Variants in PPP1R12A observed in about 807,000 individuals in gnomAD.
The protein encoded by PPP1R12A is myosin binding subunit.
In PPP1R12A, 19 loss-of-function variants were observed where a neutral mutation model predicts 139.6. The ratio of observed to expected loss-of-function variants is 0.14; its 90% CI spans 0.09 to 0.20. PPP1R12A has a LOEUF of 0.20. Among genes scored for constraint, PPP1R12A ranks in the 10% least tolerant of loss-of-function variants. The pLI is 1.00. For synonymous variants in PPP1R12A, 427 were observed against 420.6 expected, an observed-to-expected ratio of 1.02 and a Z score of -0.19; for missense variants, 925 against 1,211.5, an observed-to-expected ratio of 0.76 and a Z score of 3.51.
chr12:79,865,739 C>T (rs2656039), intron 2 of PPP1R12A, among the ~76,000 whole-genome samples: 31,498 of 151,940 alleles, frequency 0.21, 5,888 homozygotes, highest in African/African-American at 0.5. Context: ...GAGAATAAAA[C>T]ACCTAGGAAT....
chr12:79,796,643 C>T, intron 17 of PPP1R12A, 139 bp downstream of exon 17: 1 of 629,060 alleles, frequency 1.6e-6, no homozygotes, highest in Non-Finnish European at 2.5e-6. Context: ...CATTCTCAAC[C>T]TTCATATTCT....
At chr12:79,890,905 C>CCACACCCA (rs1884558646) in intron 1 of PPP1R12A, among the ~76,000 whole-genome samples, 3 of 115,682 alleles carry the variant, frequency 2.6e-5, no homozygotes, top group Non-Finnish European at 5.1e-5. Flanking sequence ...CCACACCCAC[C>CCACACCCA]CACACACACA....
intron 22 of PPP1R12A, among the ~76,000 whole-genome samples, chr12:79,785,723 A>G (rs969007344): frequency 2.0e-5 from 3 of 152,160 alleles, no homozygotes; most frequent in Non-Finnish European, 4.4e-5. Flanking sequence ...GTATTTCCCT[A>G]GTTTCTTTGA....
chr12:79,863,741 A>G (rs1370403858), intron 2 of PPP1R12A, among the ~76,000 whole-genome samples: 2 of 151,692 alleles, frequency 1.3e-5, no homozygotes, highest in Non-Finnish European at 2.9e-5. Flanking sequence ...AGAGACAAAG[A>G]AGGCCATTAC....
At chr12:79,800,547 G>A (rs1267444532) in intron 14 of PPP1R12A, among the ~76,000 whole-genome samples, 1 of 151,440 alleles carries the variant, frequency 6.6e-6, no homozygotes, top group East Asian at 1.9e-4. Flanking sequence ...TTTAGATTAG[G>A]GGGACTCAAA....
chr12:79,934,998 G>T lies in PPP1R12A; in HGVS notation c.-67C>A. 1 of 1,494,798 alleles carries T rather than the reference G, an allele frequency of 6.7e-7. No homozygotes were observed. Among genetic ancestry groups the T allele is most frequent in the Admixed American group, 2.1e-5 (1 of 46,836 alleles). The allele number at this position is 1,494,798 out of a possible 1,614,324, so 92.6% of individuals were successfully genotyped here. ...AGGGGGAGGCGGAGAGGGAAGAGAGGGGAGGCAGGGGGTGTGTGAATGTTT... is the reference window on the plus strand; with the variant it reads ...AGGGGGAGGCGGAGAGGGAAGAGAGTGGAGGCAGGGGGTGTGTGAATGTTT... On this transcript the variant is annotated 5_prime_UTR_variant, in exon 1 of 25. Transcript: ENST00000450142.
At chr12:79,904,959 T>C (rs11114267) in intron 1 of PPP1R12A, among the ~76,000 whole-genome samples, 13,407 of 152,246 alleles carry the variant, frequency 0.088, 801 homozygotes, top group Middle Eastern at 0.15. Context: ...CAAATATAAA[T>C]ACAAAAACAT....
At chr12:79,790,768 T>C (rs180879120) in intron 19 of PPP1R12A, among the ~76,000 whole-genome samples, 31 of 152,292 alleles carry the variant, frequency 2.0e-4, no homozygotes, top group African/African-American at 7.5e-4. Flanking sequence ...AATCGTGAAA[T>C]GATTAATAAG....
At chr12:79,869,751 C>T (rs1882365938) in intron 2 of PPP1R12A, among the ~76,000 whole-genome samples, 1 of 151,998 alleles carries the variant, frequency 6.6e-6, no homozygotes, top group Non-Finnish European at 1.5e-5. Context: ...TATAAATAAT[C>T]TTAAATTACT....
chr12:79,835,292 G>C (rs1877935201), intron 3 of PPP1R12A, among the ~76,000 whole-genome samples: 1 of 152,070 alleles, frequency 6.6e-6, no homozygotes, highest in Admixed American at 6.5e-5. Context: ...TTTGAACTTG[G>C]ACTGAAACAC....
At chr12:79,923,114 A>G (rs1592840141) in intron 1 of PPP1R12A, among the ~76,000 whole-genome samples, 1 of 152,050 alleles carries the variant, frequency 6.6e-6, no homozygotes, top group East Asian at 1.9e-4. Context: ...ATCTTTACTA[A>G]AATACAAAAA....
chr12:79,820,856 TTCA>T lies in PPP1R12A; in HGVS notation c.1029_1031del (p.Asp343del), dbSNP rs1472021428. 1 of 1,613,488 alleles carries T rather than the reference TTCA, an allele frequency of 6.2e-7. No homozygotes were observed. Among genetic ancestry groups the T allele is most frequent in the Non-Finnish European group, 8.5e-7 (1 of 1,179,746 alleles). ...ACTCATCCTTCTTTCCTTCTTCTTC[TTCA>T]TCAACCTTTTCTTGTTCCAGAGATT... is the stretch of plus-strand genomic sequence containing the variant. On this transcript the variant is annotated inframe_deletion, in exon 8 of 25. Transcript: ENST00000450142.
chr12:79,855,923 A>G (rs12817698), intron 2 of PPP1R12A, among the ~76,000 whole-genome samples: 12,642 of 146,678 alleles, frequency 0.086, 1,328 homozygotes, highest in African/African-American at 0.26. Flanking sequence ...TTAGAACAGT[A>G]AAAAAAAAAA....
chr12:79,853,632 A>C (rs905796886), intron 2 of PPP1R12A, among the ~76,000 whole-genome samples: 1 of 152,226 alleles, frequency 6.6e-6, no homozygotes, highest in Non-Finnish European at 1.5e-5. Flanking sequence ...TAACTCTTAA[A>C]CATAGGAAAT....
intron 1 of PPP1R12A, among the ~76,000 whole-genome samples, chr12:79,890,907 A>C (rs1465787988): frequency 3.9e-5 from 5 of 127,524 alleles, no homozygotes; most frequent in South Asian, 2.5e-4. Context: ...ACACCCACCC[A>C]CACACACACA....
At position 79,832,376 on chromosome 12, in the gene PPP1R12A, T is replaced by C. The variant is rs557881438; in HGVS notation, c.603A>G (p.Thr201=). The change falls in exon 4 of 25, where the codon ACA becomes ACG. Residue 201 remains threonine (T), a synonymous_variant. Coordinates refer to ENST00000450142, the MANE Select transcript of PPP1R12A (RefSeq NM_002480.3). ...CTTTAGCAGCTGCAACGTGAAGTGCTGTACCTCCAGATTTTGCATGCCGGA... is the reference window on the plus strand; with the variant it reads ...CTTTAGCAGCTGCAACGTGAAGTGCCGTACCTCCAGATTTTGCATGCCGGA... The part of the protein sequence containing the change: ...NDVRHAKSGG[T]ALHVAAAKGY... The C allele has an allele frequency of 6.2e-7, 1 of 1,613,616 alleles. No homozygotes were observed. The highest frequency in any genetic ancestry group is 1.3e-5 in the African/African-American group (1 of 75,042).
At chr12:79,915,330 C>T (rs1329225419) in intron 1 of PPP1R12A, among the ~76,000 whole-genome samples, 1 of 152,136 alleles carries the variant, frequency 6.6e-6, no homozygotes, top group East Asian at 1.9e-4. Context: ...CTCTGTAGAA[C>T]TAACTTTGTT....
intron 1 of PPP1R12A, among the ~76,000 whole-genome samples, chr12:79,878,843 A>T (rs1883363842): frequency 1.3e-5 from 2 of 152,186 alleles, no homozygotes; most frequent in African/African-American, 4.8e-5. Flanking sequence ...CATGGGGATT[A>T]TGGGAACTAC....
At position 79,804,727 on chromosome 12, in the gene PPP1R12A, GTTTTATTTTTTT is replaced by G. The variant is rs1184817675; in HGVS notation, c.2000+853_2000+864del. Among the ~76,000 whole-genome samples, 3 of 151,384 alleles carry G rather than the reference GTTTTATTTTTTT, an allele frequency of 2.0e-5. No homozygotes were observed. In the East Asian group the frequency reaches 5.9e-4, roughly 30 times the overall value. On this transcript the variant is annotated intron_variant, in intron 14 of 24. Transcript: ENST00000450142. ...TAAAGCTCACATTTGGTTTCCTAAG[GTTTTATTTTTTT>G]TCAAGAGGAAAAAAAAAGCTAGGGA...
Sources: gnomAD v4.1 joint callset for allele counts (sites outside exome capture counted in the v4.1 genomes callset) on GRCh38, gnomAD v4.1.1 for gene constraint, MANE v1.5 for transcripts, NCBI Gene and HGNC (gene_info 2026-07-23, HGNC 2026-07-21) for gene names.